The following ITSN1 variants were observed in gnomAD, a reference collection of about 807,000 sequenced individuals.
ITSN1 encodes the protein intersectin 1.
ITSN1 carries 58 observed loss-of-function variants against 239.8 expected under a neutral mutation model. The observed-to-expected ratio is 0.24, with a 90% CI of 0.20 to 0.30. The LOEUF is 0.30. ITSN1 is among the 10% of genes least tolerant of loss of function. The pLI is 1.00. For missense variants in ITSN1, 1,558 were observed against 2,103.3 expected (o/e 0.74, Z 5.07); for synonymous variants, 780 against 770.8 (o/e 1.01, Z -0.20).
At chr21:33,700,678 A>C (rs1462150824) in intron 1 of ITSN1, among the ~76,000 whole-genome samples, 2 of 152,148 alleles carry the variant, frequency 1.3e-5, no homozygotes, top group Non-Finnish European at 2.9e-5. Flanking sequence ...GGTTGGTGGC[A>C]TCTTACACTG....
chr21:33,666,381 A>G (rs1256176289), intron 1 of ITSN1, among the ~76,000 whole-genome samples: 3 of 152,204 alleles, frequency 2.0e-5, no homozygotes, highest in East Asian at 3.9e-4. Context: ...CAACTTCATG[A>G]TTGTCTGAGA....
intron 1 of ITSN1, chr21:33,689,280 G>A (rs550956159): frequency 5.6e-4 from 85 of 152,370 alleles, no homozygotes; most frequent in African/African-American, 2.0e-3. Context: ...GATGGACAGT[G>A]TCTACAGTCT....
chr21:33,657,877 T>C (rs2089223064), intron 1 of ITSN1, among the ~76,000 whole-genome samples: 1 of 152,122 alleles, frequency 6.6e-6, no homozygotes, highest in Non-Finnish European at 1.5e-5. Flanking sequence ...TCCCAGCTAC[T>C]AGGGAGGCTG....
chr21:33,803,596 TTATG>T (rs1474940184), intron 20 of ITSN1, among the ~76,000 whole-genome samples: 1 of 152,218 alleles, frequency 6.6e-6, no homozygotes. Flanking sequence ...ATTCATGTGT[TTATG>T]TATAGTTAAC....
chr21:33,868,959 CT>C (rs1446491956), intron 33 of ITSN1, among the ~76,000 whole-genome samples: 1 of 145,464 alleles, frequency 6.9e-6, no homozygotes. Flanking sequence ...GTCGTTGATT[CT>C]TTTTTTAATT....
At chr21:33,750,918 A>G (rs531401536) in intron 6 of ITSN1, among the ~76,000 whole-genome samples, 1 of 152,232 alleles carries the variant, frequency 6.6e-6, no homozygotes, top group Non-Finnish European at 1.5e-5. Context: ...TAACATCTTA[A>G]TGAATTCATA....
Position 33,886,382 on chromosome 21 carries a change from T to G in ITSN1, c.4939T>G (p.Cys1647Gly), listed in dbSNP as rs1985806208. The stretch of plus-strand genomic sequence containing the variant: ...TCTGAACCCCAAGTGGAATTCCAAC[T>G]GCCAGTTCTTCATCCGAGACCTGGA... ...DTLNPKWNSN[C>G]QFFIRDLEQE... The change falls in exon 39 of 40, where the codon TGC becomes GGC. Residue 1647 changes from cysteine to glycine, a missense_variant. Cys to Gly is a radical substitution (Grantham distance 159). Coordinates refer to ENST00000381318, the MANE Select transcript of ITSN1 (RefSeq NM_003024.3). The G allele has an allele frequency of 6.2e-7, 1 of 1,613,834 alleles. No homozygotes were observed. Among genetic ancestry groups the G allele is most frequent in the Non-Finnish European group, 8.5e-7 (1 of 1,179,930 alleles).
chr21:33,870,798 G>T (rs1982577462), intron 33 of ITSN1, among the ~76,000 whole-genome samples: 1 of 152,168 alleles, frequency 6.6e-6, no homozygotes, highest in Non-Finnish European at 1.5e-5. Flanking sequence ...GAGTGATGGT[G>T]TGTCAGGTTT....
At chr21:33,885,571 G>C (rs1163345123) in intron 38 of ITSN1, 49 bp downstream of exon 38, 1 of 1,462,848 alleles carries the variant, frequency 6.8e-7, no homozygotes, top group Admixed American at 1.7e-5. Flanking sequence ...TGGGAGTAGG[G>C]TCCGGGTTCC....
intron 1 of ITSN1, among the ~76,000 whole-genome samples, chr21:33,697,611 T>C (rs1451643364): frequency 2.0e-5 from 3 of 152,226 alleles, no homozygotes; most frequent in Admixed American, 2.0e-4. Flanking sequence ...ATTTGGCTGT[T>C]AATTTGAATC....
intron 1 of ITSN1, among the ~76,000 whole-genome samples, chr21:33,694,885 G>A (rs1156995193): frequency 1.3e-5 from 2 of 152,192 alleles, no homozygotes; most frequent in Non-Finnish European, 2.9e-5. Flanking sequence ...TGCAATCATG[G>A]TTCTCTGCAG....
At chr21:33,711,211 G>T (rs1167318723) in intron 1 of ITSN1, among the ~76,000 whole-genome samples, 1 of 152,042 alleles carries the variant, frequency 6.6e-6, no homozygotes, top group Non-Finnish European at 1.5e-5. Context: ...TTGGCATAAG[G>T]CTTTTTACTA....
chr21:33,647,139 C>T (rs998994233), intron 1 of ITSN1, among the ~76,000 whole-genome samples: 2 of 152,078 alleles, frequency 1.3e-5, no homozygotes, highest in Non-Finnish European at 2.9e-5. Context: ...ATCTCCTGAT[C>T]TCTTTTAGGT....
intron 1 of ITSN1, among the ~76,000 whole-genome samples, chr21:33,702,120 T>TCC (rs1307382305): frequency 0.11 from 129 of 1,180 alleles, 4 homozygotes; most frequent in South Asian, 0.24. Context: ...TTTTTTTTTT[T>TCC]TTTTTTTTTT....
At chr21:33,717,411 G>A (rs894064811) in intron 1 of ITSN1, among the ~76,000 whole-genome samples, 4 of 151,908 alleles carry the variant, frequency 2.6e-5, no homozygotes, top group African/African-American at 7.3e-5. Context: ...TGCCCAGGCT[G>A]ATCTTGAACT....
chr21:33,667,146 TTA>T (rs1491490581), intron 1 of ITSN1, among the ~76,000 whole-genome samples: 1 of 152,042 alleles, frequency 6.6e-6, no homozygotes, highest in African/African-American at 2.4e-5. Flanking sequence ...TTTTTTTTTT[TTA>T]AACTCTTTTT....
chr21:33,883,806 G>T, intron 36 of ITSN1, 135 bp downstream of exon 36: 2 of 970,910 alleles, frequency 2.1e-6, no homozygotes, highest in Non-Finnish European at 2.9e-6. Context: ...TGGGGATGGG[G>T]CTATTACTTT....
chr21:33,888,475 C>T lies in ITSN1; in HGVS notation c.*175C>T. 1.6e-6 allele frequency: 1 copy of T among 625,138 alleles called. No individual in the cohort carries two copies. The highest frequency in any genetic ancestry group is 2.1e-5 in the South Asian group (1 of 46,580). 38.7% of individuals were successfully genotyped at this position (625,138 alleles called of 1,614,324 possible). On this transcript the variant is annotated 3_prime_UTR_variant, in exon 40 of 40. Coordinates refer to ENST00000381318, the MANE Select transcript of ITSN1 (RefSeq NM_003024.3). Reference sequence around the variant, plus strand: ...ATCATTCTCGACAATCCTCCCTGCCCCGAAACAATTTCCTGTTTCATGAAA... The same window carrying T: ...ATCATTCTCGACAATCCTCCCTGCCTCGAAACAATTTCCTGTTTCATGAAA...
At chr21:33,822,332 G>A (rs1346230763) in intron 24 of ITSN1, among the ~76,000 whole-genome samples, 3 of 152,130 alleles carry the variant, frequency 2.0e-5, no homozygotes, top group Non-Finnish European at 4.4e-5. Flanking sequence ...TACTCAACAC[G>A]AGGCTCGACA....
Sources: gnomAD v4.1 joint callset for allele counts (sites outside exome capture counted in the v4.1 genomes callset) on GRCh38, gnomAD v4.1.1 for gene constraint, MANE v1.5 for transcripts, NCBI Gene and HGNC (gene_info 2026-07-23, HGNC 2026-07-21) for gene names.